Variants in OTUD3 observed in about 807,000 individuals in gnomAD.
The protein encoded by OTUD3 is OTU domain-containing protein 3.
In OTUD3, 24 loss-of-function variants were observed where a neutral mutation model predicts 46.2. The observed-to-expected ratio is 0.52, with a 90% CI of 0.38 to 0.73. The LOEUF (loss-of-function observed/expected upper bound fraction) is 0.73, where lower values mean the gene tolerates loss of function less well. Among genes scored for constraint, OTUD3 ranks in the 30% least tolerant of loss-of-function variants. The probability of loss-of-function intolerance (pLI) is 0.00; values close to 1 mark genes in which losing one functional copy is unlikely to be tolerated. For missense variants in OTUD3, 455 were observed against 523.3 expected, an observed-to-expected ratio of 0.87 and a Z score of 1.27; for synonymous variants, 189 against 195.4, an observed-to-expected ratio of 0.97 and a Z score of 0.27.
At chr1:19,899,472 C>T (rs1439434914) in intron 4 of OTUD3, among the ~76,000 whole-genome samples, 1 of 152,168 alleles carries the variant, frequency 6.6e-6, no homozygotes, top group Non-Finnish European at 1.5e-5. Context: ...TTAAAGGCTG[C>T]GTAGTGTTCT....
At chr1:19,897,444 C>T in intron 3 of OTUD3, 96 bp from the exon 4 acceptor site, 5 of 1,320,716 alleles carry the variant, frequency 3.8e-6, no homozygotes, top group Non-Finnish European at 5.3e-6. Flanking sequence ...CATAGACCTG[C>T]TGACTGGGCT....
At chr1:19,902,473 G>T (rs998073168) in intron 4 of OTUD3, among the ~76,000 whole-genome samples, 9 of 152,208 alleles carry the variant, frequency 5.9e-5, no homozygotes, top group African/African-American at 2.2e-4. Context: ...CCAAAGTGCT[G>T]GGATTACAGG....
chr1:19,904,448 C>T (rs750977522), intron 5 of OTUD3, 50 bp downstream of exon 5: 3 of 1,551,534 alleles, frequency 1.9e-6, no homozygotes, highest in East Asian at 2.3e-5. Flanking sequence ...CATTGCTGTG[C>T]CTAGCTTACT....
At chr1:19,906,655 G>A in intron 7 of OTUD3, 39 bp downstream of exon 7, 1 of 1,493,488 alleles carries the variant, frequency 6.7e-7, no homozygotes, top group Non-Finnish European at 9.1e-7. Context: ...TGGTGGGCAG[G>A]TGTAATTCTG....
At chr1:19,889,116 T>A (rs950974762) in intron 1 of OTUD3, among the ~76,000 whole-genome samples, 15 of 152,298 alleles carry the variant, frequency 9.8e-5, no homozygotes, top group African/African-American at 3.6e-4. Flanking sequence ...TTTTATCGAT[T>A]AACTTACTTT....
chr1:19,888,389 G>A (rs1245190949), intron 1 of OTUD3, among the ~76,000 whole-genome samples: 7 of 152,184 alleles, frequency 4.6e-5, no homozygotes, highest in Non-Finnish European at 8.8e-5. Context: ...CTCACCTAAG[G>A]AAACCCAGGT....
At position 19,904,321 on chromosome 1, in the gene OTUD3, G is replaced by T; in HGVS notation, c.661G>T (p.Gly221Ter). 6.2e-7 allele frequency: 1 copy of T among 1,612,110 alleles called. No individual in the cohort carries two copies. The highest frequency in any genetic ancestry group is 8.5e-7 in the Non-Finnish European group (1 of 1,178,554). The change falls in exon 5 of 8, where the codon GGA (glycine) becomes TGA (stop). Residue 221 changes from glycine to a stop codon, truncating the protein, a stop_gained. Transcript: ENST00000375120. LOFTEE classifies it high-confidence loss of function. ...TAAAAGAGAAAAGATCAAGACAAAG[G>T]GAATGGACTCTGAAGACGACCTGAG... ...SNKREKIKTK[G>*]MDSEDDLRDE...
chr1:19,900,924 T>TG (rs1207534557), intron 4 of OTUD3, among the ~76,000 whole-genome samples: 10 of 147,770 alleles, frequency 6.8e-5, no homozygotes, highest in African/African-American at 2.5e-4. Context: ...TTGTTTTTTT[T>TG]TTTTTTTTTT....
In OTUD3 at chr1:19,882,622, C is replaced by T. The variant is rs530190493; in HGVS notation, c.109C>T (p.Arg37Trp). The change falls in exon 1 of 8, where the codon CGG (arginine) becomes TGG (tryptophan). Residue 37 changes from arginine (R) to tryptophan (W), a missense_variant. Coordinates refer to ENST00000375120, the MANE Select transcript of OTUD3 (RefSeq NM_015207.2). Reference sequence around the variant, plus strand: ...GGCGCGCCGGGCCCTGGCCAAGGAGCGGCGGAATCGGCCGGAGTCTGGCGG... The same window carrying T: ...GGCGCGCCGGGCCCTGGCCAAGGAGTGGCGGAATCGGCCGGAGTCTGGCGG... ...RAARRALAKE[R>W]RNRPESGGGG... 2 of 1,458,056 alleles carry T rather than the reference C, an allele frequency of 1.4e-6. No homozygotes were observed. The highest frequency in any genetic ancestry group is 9.0e-7 in the Non-Finnish European group (1 of 1,107,608). 90.3% of individuals were successfully genotyped at this position (1,458,056 alleles called of 1,614,324 possible). A position where few individuals can be genotyped will look rare whatever the true frequency, so the allele number is the denominator to read the frequency against.
Position 19,882,437 on chromosome 1 carries a change from C to T in OTUD3, c.-77C>T. On this transcript the variant is annotated 5_prime_UTR_variant, in exon 1 of 8. Transcript: ENST00000375120. ...GGGCTCCGTTGCCCGCGCTGTTTTA[C>T]CTTCCCAACGCTTGAGGCGGACGCT... The T allele has an allele frequency of 7.6e-7, 1 of 1,310,876 alleles. No homozygotes were observed. Among genetic ancestry groups the T allele is most frequent in the East Asian group, 3.1e-5 (1 of 32,040 alleles). The allele number at this position is 1,310,876 out of a possible 1,614,324, so 81.2% of individuals were successfully genotyped here.
At chr1:19,884,289 T>C (rs1315433502) in intron 1 of OTUD3, among the ~76,000 whole-genome samples, 4 of 152,178 alleles carry the variant, frequency 2.6e-5, no homozygotes, top group Admixed American at 6.5e-5. Context: ...AGGTTACTTA[T>C]GAGGAGGAAT....
chr1:19,894,428 G>T lies in OTUD3; in HGVS notation c.431G>T (p.Arg144Ile). 1.9e-6 allele frequency: 3 copies of T among 1,611,666 alleles called. No homozygotes were observed. Among genetic ancestry groups the T allele is most frequent in the Non-Finnish European group, 2.5e-6 (3 of 1,178,838 alleles). The change falls in exon 3 of 8, where the codon AGA (arginine) becomes ATA (isoleucine). Residue 144 changes from arginine (R) to isoleucine (I), a missense_variant. By Grantham distance (97) the Arg-to-Ile change is moderately conservative. Coordinates refer to ENST00000375120, the MANE Select transcript of OTUD3 (RefSeq NM_015207.2). ...AGNDAIVAFA[R>I]NHQLNVVIHQ... ...AATGATGCAATTGTAGCCTTTGCAA[G>T]AAATCATCAGTTGAATGTAGTGATT...
At chr1:19,902,113 GT>G (rs1189108721) in intron 4 of OTUD3, among the ~76,000 whole-genome samples, 1 of 152,166 alleles carries the variant, frequency 6.6e-6, no homozygotes, top group Non-Finnish European at 1.5e-5. Context: ...CAGCTGCACT[GT>G]TTTACTTGCC....
chr1:19,891,213 T>C (rs986305227), intron 2 of OTUD3, among the ~76,000 whole-genome samples: 19 of 152,340 alleles, frequency 1.2e-4, no homozygotes, highest in African/African-American at 3.6e-4. Context: ...GCAAGTCAGT[T>C]AGTGATTTTA....
At chr1:19,904,483 G>T in intron 5 of OTUD3, 85 bp downstream of exon 5, 2 of 1,311,230 alleles carry the variant, frequency 1.5e-6, no homozygotes, top group Non-Finnish European at 2.1e-6. Flanking sequence ...CACCTCTCTA[G>T]CATATCAGCA....
intron 1 of OTUD3, among the ~76,000 whole-genome samples, chr1:19,886,233 C>T (rs1444874961): frequency 6.6e-6 from 1 of 152,082 alleles, no homozygotes; most frequent in Non-Finnish European, 1.5e-5. Flanking sequence ...ATATTAACAT[C>T]CCTCTGAACT....
chr1:19,897,004 A>G (rs2045526441), intron 3 of OTUD3, among the ~76,000 whole-genome samples: 1 of 152,190 alleles, frequency 6.6e-6, no homozygotes, highest in African/African-American at 2.4e-5. Flanking sequence ...AGAAAATGCT[A>G]TTTTCGTTTT....
intron 1 of OTUD3, among the ~76,000 whole-genome samples, chr1:19,887,088 T>C (rs1386184146): frequency 4.0e-5 from 6 of 150,126 alleles, no homozygotes; most frequent in Admixed American, 6.6e-5. Flanking sequence ...TTTTCTTTTT[T>C]TTTTTTTTTT....
chr1:19,893,529 TTTTTG>T (rs1009708023), intron 2 of OTUD3, among the ~76,000 whole-genome samples: 7 of 152,056 alleles, frequency 4.6e-5, no homozygotes, highest in African/African-American at 9.6e-5. Context: ...TGTCCAGAGG[TTTTTG>T]TTTTGTTTTG....
Sources: gnomAD v4.1 joint callset for allele counts (sites outside exome capture counted in the v4.1 genomes callset) on GRCh38, gnomAD v4.1.1 for gene constraint, MANE v1.5 for transcripts, NCBI Gene and HGNC (gene_info 2026-07-23, HGNC 2026-07-21) for gene names.